BARX2: variants seen among roughly 807,000 people sequenced by gnomAD.
BARX2 encodes BARX homeobox 2.
In BARX2, 11 loss-of-function variants were observed where a neutral mutation model predicts 25.5. That is an observed-to-expected ratio of 0.43 (90% confidence interval 0.27 to 0.71). The LOEUF (loss-of-function observed/expected upper bound fraction) is 0.71. Ranked by LOEUF, BARX2 falls within the 30% of genes least tolerant of loss-of-function variation. The pLI is 0.19. For missense variants in BARX2, 360 were observed against 359.9 expected (o/e 1.00, Z 0.00); for synonymous variants, 137 against 149.5 (o/e 0.92, Z 0.61).
chr11:129,412,816 C>T (rs1861903814), intron 1 of BARX2, among the ~76,000 whole-genome samples: 1 of 152,160 alleles, frequency 6.6e-6, no homozygotes, highest in East Asian at 1.9e-4. Context: ...CCTCTTACCT[C>T]AGTTAGGGAC....
intron 1 of BARX2, among the ~76,000 whole-genome samples, chr11:129,398,021 A>T (rs1861739629): frequency 6.6e-6 from 1 of 152,226 alleles, no homozygotes; most frequent in African/African-American, 2.4e-5. Context: ...TGTGGATGTC[A>T]CTGTATAAGA....
chr11:129,437,221 C>T, intron 2 of BARX2, 170 bp downstream of exon 2: 1 of 755,788 alleles, frequency 1.3e-6, no homozygotes, highest in Non-Finnish European at 1.9e-6. Context: ...ACCCAGCCCA[C>T]ATGAATCCAC....
chr11:129,397,145 G>A (rs1019214097), intron 1 of BARX2, among the ~76,000 whole-genome samples: 5 of 152,008 alleles, frequency 3.3e-5, no homozygotes, highest in Non-Finnish European at 5.9e-5. Flanking sequence ...TTAGCCGGGC[G>A]TGGTGGTATG....
intron 1 of BARX2, among the ~76,000 whole-genome samples, chr11:129,434,311 T>C (rs1862162589): frequency 6.9e-6 from 1 of 145,008 alleles, no homozygotes. Context: ...ACACCTATAA[T>C]CCTAACATTT....
intron 3 of BARX2, among the ~76,000 whole-genome samples, chr11:129,447,975 G>A (rs61911760): frequency 0.043 from 6,526 of 152,250 alleles, 208 homozygotes; most frequent in African/African-American, 0.092. Context: ...TACAGGGAAC[G>A]TCTTCTCCCC....
rs1413300877 is a variant in BARX2, at chr11:129,452,013, A to C, written c.*611A>C. On this transcript the variant is annotated 3_prime_UTR_variant, in exon 4 of 4. Transcript: ENST00000281437. ...CATTATAAGATGGTCATAAGACCCA[A>C]GAACTGATAAGCTTTGGTTTTTTTT... The C allele has an allele frequency of 1.3e-5, 2 of 151,880 alleles. No homozygotes were observed. The highest frequency in any genetic ancestry group is 2.9e-5 in the Non-Finnish European group (2 of 68,036). The allele number at this position is 151,880 out of a possible 1,614,324, so 9.4% of individuals were successfully genotyped here. A position where few individuals can be genotyped will look rare whatever the true frequency, so the allele number is the denominator to read the frequency against.
chr11:129,434,397 CT>C (rs199785143), intron 1 of BARX2, among the ~76,000 whole-genome samples: 1 of 89,586 alleles, frequency 1.1e-5, no homozygotes, highest in African/African-American at 4.4e-5. Flanking sequence ...CCTGTCTCTA[CT>C]TTAAAAAAAA....
At chr11:129,439,639 CTT>C in intron 2 of BARX2, among the ~76,000 whole-genome samples, 1 of 152,270 alleles carries the variant, frequency 6.6e-6, no homozygotes, top group Non-Finnish European at 1.5e-5. Context: ...ACAGAGTAGA[CTT>C]AGGTGGGGAA....
At chr11:129,403,997 A>G (rs1861803312) in intron 1 of BARX2, among the ~76,000 whole-genome samples, 1 of 152,232 alleles carries the variant, frequency 6.6e-6, no homozygotes. Context: ...CACCACCAGA[A>G]CAAGGGTTTG....
At chr11:129,380,422 A>G (rs1861550377) in intron 1 of BARX2, among the ~76,000 whole-genome samples, 1 of 152,124 alleles carries the variant, frequency 6.6e-6, no homozygotes, top group Admixed American at 6.5e-5. Flanking sequence ...TTTGGGAGTT[A>G]GGGAGCTGGC....
At chr11:129,391,378 TC>T (rs1861664162) in intron 1 of BARX2, among the ~76,000 whole-genome samples, 1 of 152,206 alleles carries the variant, frequency 6.6e-6, no homozygotes, top group African/African-American at 2.4e-5. Flanking sequence ...GTGGCAGCTT[TC>T]ATGCTGTCAC....
intron 1 of BARX2, among the ~76,000 whole-genome samples, chr11:129,400,029 C>A (rs545979298): frequency 2.1e-4 from 32 of 152,258 alleles, no homozygotes; most frequent in African/African-American, 7.0e-4. Context: ...CATCACCATG[C>A]CCAGCTGAGA....
rs557890621 is a variant in BARX2 at position 129,428,993 on chromosome 11, T to G, written c.188-7758T>G. On this transcript the variant is annotated intron_variant, in intron 1 of 3. Transcript: ENST00000281437. Reference sequence around the variant, plus strand: ...GGATGTTGCTTTAAGTCACTATTATTTATTAGAAGTTGTGTTTTTTTTTTT... The same window carrying G: ...GGATGTTGCTTTAAGTCACTATTATGTATTAGAAGTTGTGTTTTTTTTTTT... Among the ~76,000 whole-genome samples, 4 of 147,362 alleles carry G rather than the reference T, an allele frequency of 2.7e-5. No individual in the cohort carries two copies. In the South Asian group the frequency reaches 6.5e-4, roughly 24 times the overall value.
At chr11:129,392,328 C>T (rs2135388568) in intron 1 of BARX2, among the ~76,000 whole-genome samples, 1 of 152,338 alleles carries the variant, frequency 6.6e-6, no homozygotes, top group Admixed American at 6.5e-5. Context: ...AGCCAGTAGG[C>T]TGAAGAACCC....
chr11:129,381,390 T>TTTTG (rs767498243), intron 1 of BARX2, among the ~76,000 whole-genome samples: 2 of 152,202 alleles, frequency 1.3e-5, no homozygotes, highest in South Asian at 2.1e-4. Flanking sequence ...TTTTGTTTTG[T>TTTTG]TTTGTTTGTT....
chr11:129,392,316 C>A (rs1023765335), intron 1 of BARX2, among the ~76,000 whole-genome samples: 7 of 152,212 alleles, frequency 4.6e-5, no homozygotes, highest in Non-Finnish European at 8.8e-5. Context: ...GTCGGGCTTA[C>A]CAGCCAGTAG....
At chr11:129,403,936 G>T (rs1411337786) in intron 1 of BARX2, among the ~76,000 whole-genome samples, 1 of 152,142 alleles carries the variant, frequency 6.6e-6, no homozygotes, top group Non-Finnish European at 1.5e-5. Context: ...ATGTTGCCCA[G>T]GCTAACTAGT....
chr11:129,424,405 A>G (rs1260774195), intron 1 of BARX2, among the ~76,000 whole-genome samples: 2 of 151,996 alleles, frequency 1.3e-5, no homozygotes, highest in East Asian at 3.9e-4. Context: ...GAGCGTCTTG[A>G]GTCTTCCCCT....
chr11:129,429,955 T>C (rs1194100692), intron 1 of BARX2, among the ~76,000 whole-genome samples: 3 of 152,200 alleles, frequency 2.0e-5, no homozygotes, highest in African/African-American at 7.2e-5. Flanking sequence ...CCTCTAAAAA[T>C]GTGTCCCCAT....
Sources: allele counts gnomAD v4.1 joint callset (sites outside exome capture counted in the v4.1 genomes callset), GRCh38; gene constraint gnomAD v4.1.1; transcripts MANE v1.5; gene names NCBI Gene and HGNC (gene_info 2026-07-23, HGNC 2026-07-21).